Variants in SCFD2 observed in about 807,000 individuals in gnomAD.
SCFD2 encodes the protein sec1 family domain-containing protein 2.
Under a neutral mutation model 58.9 loss-of-function variants are expected in SCFD2, and 54 were observed. The observed-to-expected ratio is 0.92, with a 90% CI of 0.74 to 1.15. SCFD2 has a LOEUF of 1.15. SCFD2 is among the 50% of genes most tolerant of loss of function. The pLI is 0.00. For missense variants in SCFD2, 805 were observed against 836.6 expected (o/e 0.96, Z 0.47); for synonymous variants, 321 against 335.9 (o/e 0.96, Z 0.49).
At chr4:53,044,124 G>A (rs78802644) in intron 5 of SCFD2, among the ~76,000 whole-genome samples, 3,395 of 152,216 alleles carry the variant, frequency 0.022, 140 homozygotes, top group African/African-American at 0.078. Context: ...GCCAATAACA[G>A]AAGATGGTGA....
At chr4:53,038,332 T>C (rs1156592745) in intron 5 of SCFD2, among the ~76,000 whole-genome samples, 2 of 152,158 alleles carry the variant, frequency 1.3e-5, no homozygotes, top group Admixed American at 6.6e-5. Flanking sequence ...GAGGGTTCCA[T>C]GAAGCAGGAA....
intron 5 of SCFD2, among the ~76,000 whole-genome samples, chr4:52,934,322 G>A (rs192518896): frequency 1.3e-5 from 2 of 152,278 alleles, no homozygotes; most frequent in Non-Finnish European, 2.9e-5. Flanking sequence ...TGGTTTCACT[G>A]TGAGCTCATA....
At chr4:53,268,053 A>G (rs778263225) in intron 4 of SCFD2, among the ~76,000 whole-genome samples, 38 of 152,142 alleles carry the variant, frequency 2.5e-4, no homozygotes, top group Non-Finnish European at 4.4e-4. Flanking sequence ...GAGATTGTCC[A>G]TACGGTAGGG....
At chr4:53,030,318 A>C (rs1029074184) in intron 5 of SCFD2, among the ~76,000 whole-genome samples, 1 of 152,212 alleles carries the variant, frequency 6.6e-6, no homozygotes, top group African/African-American at 2.4e-5. Flanking sequence ...AGAAACAAAA[A>C]AGGAAATCCT....
chr4:53,155,424 G>A (rs1962230), intron 4 of SCFD2, among the ~76,000 whole-genome samples: 13,912 of 152,064 alleles, frequency 0.091, 1,023 homozygotes, highest in South Asian at 0.22. Flanking sequence ...CTCACCAAAC[G>A]CCAGCACCTT....
At chr4:52,952,730 G>C (rs974201809) in intron 5 of SCFD2, among the ~76,000 whole-genome samples, 5 of 152,138 alleles carry the variant, frequency 3.3e-5, no homozygotes, top group Non-Finnish European at 7.4e-5. Flanking sequence ...AAGGTTTACA[G>C]CATTACAATC....
chr4:52,897,396 C>A (rs1719050879), intron 7 of SCFD2, among the ~76,000 whole-genome samples: 1 of 152,192 alleles, frequency 6.6e-6, no homozygotes. Context: ...AAGGACTTTT[C>A]TGCATCTATT....
chr4:52,893,799 C>T lies in SCFD2; in HGVS notation c.1843-7933G>A, dbSNP rs188539274. ...TATTGAGCATCTACAAAATGCAGGGCGCTGTTCTCATGCAGGGCAGAATGG... is the reference window on the plus strand; with the variant it reads ...TATTGAGCATCTACAAAATGCAGGGTGCTGTTCTCATGCAGGGCAGAATGG... On this transcript the variant is annotated intron_variant, in intron 7 of 8. Coordinates refer to ENST00000401642, the MANE Select transcript of SCFD2 (RefSeq NM_152540.4). Among the ~76,000 whole-genome samples, 212 of 152,304 alleles carry T rather than the reference C, an allele frequency of 1.4e-3. 2 individuals carry two copies. Among genetic ancestry groups the T allele is most frequent in the Non-Finnish European group, 2.1e-3 (146 of 68,020 alleles).
chr4:52,937,753 C>G (rs765608889), intron 5 of SCFD2, among the ~76,000 whole-genome samples: 2 of 152,100 alleles, frequency 1.3e-5, no homozygotes, highest in Non-Finnish European at 2.9e-5. Flanking sequence ...ATCTCAGAAG[C>G]TCGACATGGG....
intron 5 of SCFD2, among the ~76,000 whole-genome samples, chr4:53,027,024 C>T (rs1471773559): frequency 6.6e-6 from 1 of 152,190 alleles, no homozygotes; most frequent in African/African-American, 2.4e-5. Flanking sequence ...AGTTAATATA[C>T]ACCAAGGTAA....
intron 4 of SCFD2, among the ~76,000 whole-genome samples, chr4:53,184,125 A>G (rs929528673): frequency 6.6e-6 from 1 of 152,156 alleles, no homozygotes; most frequent in Non-Finnish European, 1.5e-5. Context: ...GGTAAAGGCC[A>G]TTGTATTGGA....
intron 5 of SCFD2, among the ~76,000 whole-genome samples, chr4:52,929,995 G>C (rs548993869): frequency 1.8e-4 from 28 of 152,224 alleles, no homozygotes; most frequent in African/African-American, 6.7e-4. Context: ...CACAGAATTA[G>C]AAGAAACTAC....
Position 52,914,409 on chromosome 4 carries a change from C to A in SCFD2, c.1707+6316G>T, listed in dbSNP as rs78093197. Among the ~76,000 whole-genome samples, 1,272 of 152,262 alleles carry A rather than the reference C, an allele frequency of 8.4e-3. 24 individuals are homozygous for A. The highest frequency in any genetic ancestry group is 0.029 in the African/African-American group (1,206 of 41,556). The stretch of plus-strand genomic sequence containing the variant: ...AAGCCAGGGGACTGGTGTATTCATC[C>A]CATGTGAATCTAGCTCTCTCACTCC... On this transcript the variant is annotated intron_variant, in intron 6 of 8. Transcript: ENST00000401642.
intron 1 of SCFD2, among the ~76,000 whole-genome samples, chr4:53,353,083 T>C (rs891778201): frequency 3.9e-5 from 6 of 152,194 alleles, no homozygotes; most frequent in African/African-American, 1.4e-4. Flanking sequence ...CCGCAGACCC[T>C]CAACGGTGAG....
At chr4:53,086,601 T>C (rs949521792) in intron 5 of SCFD2, among the ~76,000 whole-genome samples, 2 of 152,202 alleles carry the variant, frequency 1.3e-5, no homozygotes, top group African/African-American at 4.8e-5. Context: ...TGTAGCATTG[T>C]TCACAGTATC....
At chr4:53,156,883 G>A (rs1172917737) in intron 4 of SCFD2, among the ~76,000 whole-genome samples, 1 of 152,214 alleles carries the variant, frequency 6.6e-6, no homozygotes, top group Non-Finnish European at 1.5e-5. Flanking sequence ...GTTGTGTACT[G>A]AAGTAATCTC....
At chr4:53,341,479 G>C (rs1455599288) in intron 2 of SCFD2, among the ~76,000 whole-genome samples, 1 of 152,238 alleles carries the variant, frequency 6.6e-6, no homozygotes, top group Non-Finnish European at 1.5e-5. Flanking sequence ...ATCTACGTCT[G>C]ATTGGTGTAC....
At chr4:52,907,836 C>A (rs563526452) in intron 6 of SCFD2, among the ~76,000 whole-genome samples, 2 of 152,194 alleles carry the variant, frequency 1.3e-5, no homozygotes, top group African/African-American at 4.8e-5. Context: ...CTCCCTTCTA[C>A]AAGCAAATAT....
At chr4:53,327,152 G>A (rs952731058) in intron 2 of SCFD2, among the ~76,000 whole-genome samples, 15 of 152,094 alleles carry the variant, frequency 9.9e-5, no homozygotes, top group African/African-American at 3.4e-4. Context: ...AGCCTGAGAG[G>A]GGTGAGCGGG....
Sources: allele counts gnomAD v4.1 joint callset (sites outside exome capture counted in the v4.1 genomes callset), GRCh38; gene constraint gnomAD v4.1.1; transcripts MANE v1.5; gene names NCBI Gene and HGNC (gene_info 2026-07-23, HGNC 2026-07-21).